TRHDE: variants seen among roughly 807,000 people sequenced by gnomAD.
TRHDE encodes the protein thyrotropin releasing hormone degrading enzyme, also known as thyrotropin-releasing hormone-degrading ectoenzyme.
Under a neutral mutation model 125.7 loss-of-function variants are expected in TRHDE, and 72 were observed. That is an observed-to-expected ratio of 0.57 (90% CI 0.47 to 0.70). The LOEUF is 0.70. TRHDE is among the 30% of genes least tolerant of loss of function. The pLI is 0.00. For missense variants in TRHDE, 1,110 were observed against 1,327.1 expected, an observed-to-expected ratio of 0.84 and a Z score of 2.54; for synonymous variants, 509 against 509.1, an observed-to-expected ratio of 1.00 and a Z score of 0.00.
intron 7 of TRHDE, among the ~76,000 whole-genome samples, chr12:72,544,884 T>G (rs3782367): frequency 0.4 from 60,489 of 151,218 alleles, 14,604 homozygotes; most frequent in African/African-American, 0.67. Flanking sequence ...ACATTTTCAA[T>G]TTTTTGTAAT....
intron 5 of TRHDE, among the ~76,000 whole-genome samples, chr12:72,485,998 A>G (rs1877389874): frequency 6.6e-6 from 1 of 152,168 alleles, no homozygotes; most frequent in Non-Finnish European, 1.5e-5. Context: ...CAGGGTCTAC[A>G]GTCACCACTG....
At chr12:72,097,643 G>T (rs1202435183) in intron 1 of TRHDE, among the ~76,000 whole-genome samples, 1 of 151,914 alleles carries the variant, frequency 6.6e-6, no homozygotes, top group African/African-American at 2.4e-5. Context: ...TAGAGACAAG[G>T]TCTTGATATG....
At chr12:72,179,702 T>C (rs1877057808) in intron 2 of TRHDE, among the ~76,000 whole-genome samples, 1 of 152,172 alleles carries the variant, frequency 6.6e-6, no homozygotes, top group South Asian at 2.1e-4. Flanking sequence ...TAGCTAGTTA[T>C]ATTCTTATAT....
chr12:72,274,161 G>T (rs1257139009), intron 1 of TRHDE, among the ~76,000 whole-genome samples: 2 of 152,178 alleles, frequency 1.3e-5, no homozygotes, highest in African/African-American at 2.4e-5. Context: ...AGGCTGAGAG[G>T]ACCGGGACGG....
intron 3 of TRHDE, among the ~76,000 whole-genome samples, chr12:72,469,122 G>GA (rs1876522237): frequency 6.6e-6 from 1 of 152,176 alleles, no homozygotes; most frequent in Non-Finnish European, 1.5e-5. Flanking sequence ...GTGGTCTTAA[G>GA]AAATTAAGTG....
At chr12:72,524,215 C>T (rs954826989) in intron 6 of TRHDE, among the ~76,000 whole-genome samples, 3 of 152,162 alleles carry the variant, frequency 2.0e-5, no homozygotes, top group African/African-American at 7.2e-5. Flanking sequence ...TTTATCCTCT[C>T]CGTAAACTCT....
At chr12:72,519,035 C>T (rs1435153717) in intron 6 of TRHDE, among the ~76,000 whole-genome samples, 1 of 152,200 alleles carries the variant, frequency 6.6e-6, no homozygotes, top group Admixed American at 6.5e-5. Context: ...TGATGGGCTT[C>T]CCTTTGTGGG....
intron 18 of TRHDE, among the ~76,000 whole-genome samples, chr12:72,659,976 G>T (rs1169473520): frequency 1.3e-5 from 2 of 151,998 alleles, no homozygotes; most frequent in Non-Finnish European, 2.9e-5. Context: ...ACCAAGATGA[G>T]GAGACCGGTG....
chr12:72,544,950 A>G (rs1328346180), intron 7 of TRHDE, among the ~76,000 whole-genome samples: 1 of 151,400 alleles, frequency 6.6e-6, no homozygotes, highest in East Asian at 1.9e-4. Flanking sequence ...TTTCAGCAGG[A>G]AGAGACTCTA....
intron 2 of TRHDE, among the ~76,000 whole-genome samples, chr12:72,199,278 TA>T (rs956870820): frequency 5.1e-4 from 77 of 151,142 alleles, no homozygotes; most frequent in African/African-American, 1.1e-3. Context: ...TGTCAGAGCT[TA>T]AAAAAAAACA....
intron 3 of TRHDE, among the ~76,000 whole-genome samples, chr12:72,424,027 C>A (rs945672601): frequency 6.6e-6 from 1 of 152,118 alleles, no homozygotes; most frequent in Non-Finnish European, 1.5e-5. Context: ...TGGATAACCA[C>A]GTACCACAAA....
At chr12:72,566,494 A>G (rs910807213) in intron 9 of TRHDE, among the ~76,000 whole-genome samples, 1 of 151,474 alleles carries the variant, frequency 6.6e-6, no homozygotes, top group Non-Finnish European at 1.5e-5. Context: ...ATTGACATGC[A>G]TGTATTTATG....
intron 3 of TRHDE, among the ~76,000 whole-genome samples, chr12:72,434,686 C>G (rs1388933241): frequency 2.0e-5 from 3 of 152,144 alleles, no homozygotes; most frequent in Admixed American, 2.0e-4. Context: ...AGGTCCCATG[C>G]TCTAATGCAT....
chr12:72,217,275 T>A (rs1351304686), intron 2 of TRHDE, among the ~76,000 whole-genome samples: 1 of 152,168 alleles, frequency 6.6e-6, no homozygotes, highest in Non-Finnish European at 1.5e-5. Flanking sequence ...CTGTAATGAA[T>A]CAAGTTACTC....
At chr12:72,175,699 C>T (rs922277675) in intron 2 of TRHDE, among the ~76,000 whole-genome samples, 10 of 152,200 alleles carry the variant, frequency 6.6e-5, no homozygotes, top group African/African-American at 2.4e-4. Context: ...ACCACCTATA[C>T]TTACAAGTAC....
chr12:72,344,084 T>C (rs1241844088), intron 2 of TRHDE, among the ~76,000 whole-genome samples: 2 of 152,102 alleles, frequency 1.3e-5, no homozygotes, highest in Non-Finnish European at 2.9e-5. Flanking sequence ...ACATCTTTAT[T>C]AATATTTCAA....
intron 3 of TRHDE, among the ~76,000 whole-genome samples, chr12:72,445,593 G>T (rs1875237240): frequency 6.6e-6 from 1 of 151,828 alleles, no homozygotes; most frequent in Non-Finnish European, 1.5e-5. Context: ...ATAATTAACT[G>T]TTACCAAATA....
intron 3 of TRHDE, among the ~76,000 whole-genome samples, chr12:72,459,193 A>G (rs946298895): frequency 6.6e-6 from 1 of 152,054 alleles, no homozygotes; most frequent in African/African-American, 2.4e-5. Context: ...CTCTCCTCCC[A>G]TCTCCTGCTT....
At chr12:72,345,839 A>G (rs1870304371) in intron 2 of TRHDE, among the ~76,000 whole-genome samples, 1 of 151,696 alleles carries the variant, frequency 6.6e-6, no homozygotes, top group Non-Finnish European at 1.5e-5. Flanking sequence ...TCCTCACAGA[A>G]AAGGACGGTT....
Sources: allele counts gnomAD v4.1 joint callset (sites outside exome capture counted in the v4.1 genomes callset), GRCh38; gene constraint gnomAD v4.1.1; transcripts MANE v1.5; gene names NCBI Gene and HGNC (gene_info 2026-07-23, HGNC 2026-07-21).